Variants in CRTC1 observed in about 807,000 individuals in gnomAD.
The protein encoded by CRTC1 is CREB regulated transcription coactivator 1.
Under a neutral mutation model 66.1 loss-of-function variants are expected in CRTC1, and 18 were observed. That is an observed-to-expected ratio of 0.27 (90% confidence interval 0.19 to 0.40). The LOEUF is 0.40. Ranked by LOEUF, CRTC1 falls within the 10% of genes least tolerant of loss-of-function variation. The pLI, the probability that CRTC1 is intolerant of heterozygous loss-of-function variation, is 1.00. For synonymous variants in CRTC1, 416 were observed against 398.8 expected (o/e 1.04, Z -0.51); for missense variants, 669 against 887.9 (o/e 0.75, Z 3.13).
chr19:18,724,374 T>C (rs890452993), intron 1 of CRTC1, among the ~76,000 whole-genome samples: 3 of 152,060 alleles, frequency 2.0e-5, no homozygotes, highest in Non-Finnish European at 4.4e-5. Flanking sequence ...CCTGGGGTGT[T>C]CAGGTTCTCA....
chr19:18,743,381 A>T (rs1238678161), intron 2 of CRTC1, among the ~76,000 whole-genome samples: 2 of 152,252 alleles, frequency 1.3e-5, no homozygotes, highest in African/African-American at 4.8e-5. Context: ...TCTCAGAAGG[A>T]GGCCCGGCGG....
At chr19:18,705,829 G>C (rs1269662681) in intron 1 of CRTC1, among the ~76,000 whole-genome samples, 1 of 151,904 alleles carries the variant, frequency 6.6e-6, no homozygotes, top group African/African-American at 2.4e-5. Flanking sequence ...TATTTTGATA[G>C]GGATTGTGGT....
At chr19:18,746,912 C>A (rs1252128248) in intron 3 of CRTC1, 141 bp from the exon 4 acceptor site, 2 of 698,196 alleles carry the variant, frequency 2.9e-6, no homozygotes, top group African/African-American at 3.5e-5. Context: ...GCAGGAAACG[C>A]CCCCCGCCCT....
chr19:18,694,283 A>G (rs981921933), intron 1 of CRTC1, among the ~76,000 whole-genome samples: 6 of 140,484 alleles, frequency 4.3e-5, no homozygotes, highest in Admixed American at 7.2e-5. Flanking sequence ...CCTGGCCGAC[A>G]GAGAGACTCC....
chr19:18,770,998 G>A (rs375809736), intron 10 of CRTC1, among the ~76,000 whole-genome samples: 1 of 151,924 alleles, frequency 6.6e-6, no homozygotes, highest in South Asian at 2.1e-4. Context: ...GCATGCATGG[G>A]CATGTACATT....
At chr19:18,721,502 T>TC (rs904482685) in intron 1 of CRTC1, among the ~76,000 whole-genome samples, 6 of 150,620 alleles carry the variant, frequency 4.0e-5, no homozygotes, top group Non-Finnish European at 7.4e-5. Flanking sequence ...CTTTTTTTTT[T>TC]TTTTTTTTTT....
intron 11 of CRTC1, among the ~76,000 whole-genome samples, chr19:18,772,457 C>T (rs2054891097): frequency 6.6e-6 from 1 of 152,182 alleles, no homozygotes; most frequent in Non-Finnish European, 1.5e-5. Context: ...GCTGAGAAAC[C>T]CCTAGCAGCC....
At chr19:18,708,094 G>A (rs574452936) in intron 1 of CRTC1, among the ~76,000 whole-genome samples, 1 of 152,196 alleles carries the variant, frequency 6.6e-6, no homozygotes, top group Non-Finnish European at 1.5e-5. Flanking sequence ...CCGAGTTGCC[G>A]GTGCAAGAGG....
rs2053581264 is a variant in CRTC1 at position 18,719,727 on chromosome 19, T to TCGCCCCG, written c.127-23180_127-23174dup. Among the ~76,000 whole-genome samples the TCGCCCCG allele has an allele frequency of 7.9e-5, 12 of 152,284 alleles. 1 individual carries two copies. In the South Asian group the frequency reaches 2.1e-3, roughly 26 times the overall value. On this transcript the variant is annotated intron_variant, in intron 1 of 13. Coordinates refer to ENST00000321949, the MANE Select transcript of CRTC1 (RefSeq NM_015321.3). ...TCGACCGGAGGTGGCTCCTGGCAGA[T>TCGCCCCG]CGCCCCGCGGTGCTCAGAATCCCAG...
intron 1 of CRTC1, among the ~76,000 whole-genome samples, chr19:18,740,967 T>G (rs2054098485): frequency 6.6e-6 from 1 of 152,136 alleles, no homozygotes; most frequent in African/African-American, 2.4e-5. Flanking sequence ...ATGGCGCCAC[T>G]GCACTCCAGC....
chr19:18,742,612 T>C (rs894776034), intron 1 of CRTC1, among the ~76,000 whole-genome samples: 6 of 152,188 alleles, frequency 3.9e-5, no homozygotes, highest in Non-Finnish European at 7.3e-5. Context: ...CTCTTGCCCA[T>C]TCACTGACTG....
At chr19:18,691,000 T>G (rs1600745538) in intron 1 of CRTC1, among the ~76,000 whole-genome samples, 2 of 132,272 alleles carry the variant, frequency 1.5e-5, no homozygotes, top group African/African-American at 3.0e-5. Context: ...CGCTCGAGCA[T>G]GGATGACAGA....
In CRTC1 at chr19:18,701,917, G is replaced by GT. The variant is rs1338365638; in HGVS notation, c.126+18093dup. Among the ~76,000 whole-genome samples the GT allele has an allele frequency of 3.5e-3, 490 of 138,844 alleles. 7 individuals carry two copies. The highest frequency in any genetic ancestry group is 0.013 in the African/African-American group (462 of 36,444). 91.1% of individuals were successfully genotyped at this position (138,844 alleles called of 152,430 possible). A position where few individuals can be genotyped will look rare whatever the true frequency, so the allele number is the denominator to read the frequency against. On this transcript the variant is annotated intron_variant, in intron 1 of 13. Coordinates refer to ENST00000321949, the MANE Select transcript of CRTC1 (RefSeq NM_015321.3). ...ATAGGCATGAGCCACCGCGCCCACC[G>GT]TTTTGTTTTTTTTTTTTTTTTTTGA... is the stretch of plus-strand genomic sequence containing the variant.
intron 4 of CRTC1, among the ~76,000 whole-genome samples, chr19:18,747,450 A>G (rs2054271919): frequency 6.6e-6 from 1 of 152,130 alleles, no homozygotes; most frequent in African/African-American, 2.4e-5. Flanking sequence ...CAGCCTGGCC[A>G]ACATGGTGAA....
In CRTC1 at chr19:18,760,696, G is replaced by C. The variant is rs1199656536; in HGVS notation, c.886+468G>C. Among the ~76,000 whole-genome samples, 1 of 151,830 alleles carries C rather than the reference G, an allele frequency of 6.6e-6. No homozygotes were observed. Among genetic ancestry groups the C allele is most frequent in the Non-Finnish European group, 1.5e-5 (1 of 67,950 alleles). On this transcript the variant is annotated intron_variant, in intron 8 of 13. Coordinates refer to ENST00000321949, the MANE Select transcript of CRTC1 (RefSeq NM_015321.3). This position sits in a 1 kb window ranked among gnomAD's most constrained non-coding sequence, Gnocchi z 6.2. ...CAGCTCCACACTCCTTTCTTCCTCA[G>C]CCACATCCACAGGGACGTCGCACAG...
chr19:18,694,893 C>T (rs1447242162), intron 1 of CRTC1, among the ~76,000 whole-genome samples: 10 of 144,416 alleles, frequency 6.9e-5, no homozygotes, highest in Non-Finnish European at 9.2e-5. Context: ...TCAGCGACCT[C>T]TTTTTTTTTT....
At chr19:18,774,165 C>T in intron 11 of CRTC1, among the ~76,000 whole-genome samples, 1 of 152,038 alleles carries the variant, frequency 6.6e-6, no homozygotes, top group Admixed American at 6.5e-5. Context: ...TCCACGGCCA[C>T]CCCCTCCTCG....
At chr19:18,689,419 CTTTTCTTTT>C (rs1356518916) in intron 1 of CRTC1, among the ~76,000 whole-genome samples, 2 of 135,348 alleles carry the variant, frequency 1.5e-5, no homozygotes, top group Non-Finnish European at 3.1e-5. Context: ...TTCTTTCTTT[CTTTTCTTTT>C]TCTTTCTTTT....
intron 8 of CRTC1, among the ~76,000 whole-genome samples, chr19:18,764,515 C>T (rs117861375): frequency 1.3e-5 from 2 of 152,376 alleles, no homozygotes; most frequent in Non-Finnish European, 2.9e-5. Flanking sequence ...AACTTGACCT[C>T]ACCCAGCTTC....
Sources: allele counts gnomAD v4.1 joint callset (sites outside exome capture counted in the v4.1 genomes callset), GRCh38; gene constraint gnomAD v4.1.1; non-coding constraint Gnocchi (gnomAD v3.1); transcripts MANE v1.5; gene names NCBI Gene and HGNC (gene_info 2026-07-23, HGNC 2026-07-21).